The following VPS13A variants were observed in gnomAD, a reference collection of about 807,000 sequenced individuals.
VPS13A encodes vacuolar protein sorting 13 homolog A, also known as intermembrane lipid transfer protein VPS13A.
In VPS13A, 264 loss-of-function variants were observed where a neutral mutation model predicts 390.9. That is an observed-to-expected ratio of 0.68 (90% CI 0.61 to 0.75). The LOEUF (loss-of-function observed/expected upper bound fraction) is 0.75. VPS13A is among the 30% of genes least tolerant of loss of function. VPS13A has a pLI of 0.00. For missense variants in VPS13A, 3,409 were observed against 3,733.9 expected (o/e 0.91, Z 2.27); for synonymous variants, 1,231 against 1,227.1 (o/e 1.00, Z -0.07).
At position 77,319,671 on chromosome 9, in the gene VPS13A, A is replaced by C. The variant is rs1420553440; in HGVS notation, c.5413A>C (p.Lys1805Gln). ...EDFRPWNLGI[K>Q]MKKKAKMAIV... ...TTTTAGACCATGGAATCTTGGTATC[A>C]AGGTATATCTATATATGTCTATGTG... Residue 1805 changes from lysine to glutamine, a missense_variant and splice_region_variant, in exon 42 of 72, where the codon AAG (lysine) becomes CAG (glutamine). Lys to Gln is a moderately conservative substitution (Grantham distance 53, BLOSUM62 1). Coordinates refer to ENST00000360280, the MANE Select transcript of VPS13A (RefSeq NM_033305.3). 2 of 1,551,382 alleles carry C rather than the reference A, an allele frequency of 1.3e-6. No individual in the cohort carries two copies. Among genetic ancestry groups the C allele is most frequent in the African/African-American group, 2.7e-5 (2 of 73,508 alleles).
At chr9:77,192,455 G>C (rs752388546) in intron 1 of VPS13A, among the ~76,000 whole-genome samples, 1 of 152,122 alleles carries the variant, frequency 6.6e-6, no homozygotes, top group Non-Finnish European at 1.5e-5. Flanking sequence ...CTGTACTTAA[G>C]TGTGTTTCTG....
chr9:77,200,118 A>AAT, intron 2 of VPS13A, 130 bp downstream of exon 2: 2 of 787,858 alleles, frequency 2.5e-6, no homozygotes, highest in Non-Finnish European at 4.0e-6. Flanking sequence ...TGCAAAATGT[A>AAT]AATTTTGCTA....
At chr9:77,241,418 G>T (rs1029982153) in intron 19 of VPS13A, among the ~76,000 whole-genome samples, 1 of 146,710 alleles carries the variant, frequency 6.8e-6, no homozygotes, top group Admixed American at 6.9e-5. Flanking sequence ...TATTTCCCAC[G>T]GATATCTTTA....
At chr9:77,309,073 T>C (rs1370897221) in intron 35 of VPS13A, among the ~76,000 whole-genome samples, 1 of 152,032 alleles carries the variant, frequency 6.6e-6, no homozygotes, top group East Asian at 1.9e-4. Flanking sequence ...GAAAAGGAAG[T>C]AGACAAACAA....
chr9:77,238,010 C>T lies in VPS13A; in HGVS notation c.1604C>T (p.Thr535Ile). 1.2e-6 allele frequency: 2 copies of T among 1,602,724 alleles called. No homozygotes were observed. The highest frequency in any genetic ancestry group is 1.7e-6 in the Non-Finnish European group (2 of 1,172,298). Residue 535 changes from threonine to isoleucine, a missense_variant, in exon 18 of 72, where the codon ACT becomes ATT. Coordinates refer to ENST00000360280, the MANE Select transcript of VPS13A (RefSeq NM_033305.3). Reference sequence around the variant, plus strand: ...TTTTTTTTTTAATGCAGATTTGAAACTAAAATAGATTCATTTCATATTACT... The same window carrying T: ...TTTTTTTTTTAATGCAGATTTGAAATTAAAATAGATTCATTTCATATTACT... ...RPGAQAIKFE[T>I]KIDSFHITGL...
chr9:77,237,911 TG>T (rs1824247903), intron 17 of VPS13A, 90 bp from the exon 18 acceptor site: 2 of 957,078 alleles, frequency 2.1e-6, no homozygotes, highest in Non-Finnish European at 3.2e-6. Flanking sequence ...AAAGTGAAGT[TG>T]TCTTCATTAA....
At chr9:77,358,233 G>C (rs771732123) in intron 56 of VPS13A, 124 bp from the exon 57 acceptor site, 33 of 833,704 alleles carry the variant, frequency 4.0e-5, no homozygotes, top group Non-Finnish European at 6.5e-5. Flanking sequence ...TGGGATTACA[G>C]GCGTGAGCCA....
rs368715471 is a variant in VPS13A at position 77,177,658 on chromosome 9, A to T, written c.-47A>T. 1.8e-5 allele frequency: 28 copies of T among 1,558,252 alleles called. No homozygotes were observed. The highest frequency in any genetic ancestry group is 3.4e-5 in the Admixed American group (2 of 59,632). ...GGAGGGGCGTGGGGAAGGCGGCGGG[A>T]GGAGGAGCGCACGGGCCGGCTGCCG... On this transcript the variant is annotated 5_prime_UTR_variant, in exon 1 of 72. Coordinates refer to ENST00000360280, the MANE Select transcript of VPS13A (RefSeq NM_033305.3).
intron 7 of VPS13A, among the ~76,000 whole-genome samples, chr9:77,212,438 C>T (rs1490207956): frequency 6.6e-6 from 1 of 152,074 alleles, no homozygotes; most frequent in African/African-American, 2.4e-5. Flanking sequence ...TTATATATAA[C>T]ATCTCTTTAT....
intron 68 of VPS13A, among the ~76,000 whole-genome samples, chr9:77,397,828 TTG>T (rs908688471): frequency 6.6e-6 from 1 of 152,208 alleles, no homozygotes; most frequent in African/African-American, 2.4e-5. Flanking sequence ...GCAGTTTCCA[TTG>T]TGTTTCTGTT....
At chr9:77,213,753 C>T (rs982786020) in intron 9 of VPS13A, among the ~76,000 whole-genome samples, 1 of 152,060 alleles carries the variant, frequency 6.6e-6, no homozygotes, top group Non-Finnish European at 1.5e-5. Context: ...ATCCTCCCAA[C>T]TCAGCCTTCC....
chr9:77,228,214 A>G lies in VPS13A; in HGVS notation c.1545A>G (p.Ile515Met), dbSNP rs767206136. Residue 515 changes from isoleucine to methionine, a missense_variant, in exon 17 of 72, where the codon ATA (isoleucine) becomes ATG (methionine). Coordinates refer to ENST00000360280, the MANE Select transcript of VPS13A (RefSeq NM_033305.3). ...HQKPELVDIV[I>M]EEFSTLIVQR... The stretch of plus-strand genomic sequence containing the variant: ...AACCTGAGCTGGTAGATATTGTAAT[A>G]GAAGAATTTAGCACCTTAATTGTGC... 4.4e-6 allele frequency: 7 copies of G among 1,603,980 alleles called. No individual in the cohort carries two copies. In the Admixed American group the frequency reaches 5.0e-5, roughly 12 times the overall value.
intron 71 of VPS13A, among the ~76,000 whole-genome samples, chr9:77,415,272 A>G (rs936125985): frequency 6.6e-6 from 1 of 152,168 alleles, no homozygotes; most frequent in African/African-American, 2.4e-5. Flanking sequence ...CTGCTTGGCC[A>G]GGAACATCCA....
Position 77,340,529 on chromosome 9 carries a change from G to T in VPS13A, c.7005G>T (p.Trp2335Cys). The T allele has an allele frequency of 3.7e-6, 6 of 1,612,592 alleles. No individual in the cohort carries two copies. The highest frequency in any genetic ancestry group is 3.4e-6 in the Non-Finnish European group (4 of 1,179,636). ...TGGCTGAAGAAGGAAATGATAAATG[G>T]CTCTCTCTTGATTTGGAGCAGGTGG... ...ISVAEEGNDK[W>C]LSLDLEQCIP... The change falls in exon 50 of 72, where the codon TGG becomes TGT. Residue 2335 changes from tryptophan (W) to cysteine (C), a missense_variant. Trp to Cys is a radical substitution (Grantham distance 215). Coordinates refer to ENST00000360280, the MANE Select transcript of VPS13A (RefSeq NM_033305.3).
chr9:77,400,814 C>G (rs1359725539), intron 68 of VPS13A, among the ~76,000 whole-genome samples: 9 of 135,482 alleles, frequency 6.6e-5, no homozygotes, highest in Non-Finnish European at 9.2e-5. Context: ...GGCAACAGAG[C>G]GAGACTCTGT....
Position 77,287,454 on chromosome 9 carries a change from A to G in VPS13A, c.3339+3804A>G, listed in dbSNP as rs189537994. On this transcript the variant is annotated intron_variant, in intron 31 of 71. Transcript: ENST00000360280. ...GCGATCTACCTGCCTCGGTCTCCCAAAGTGCTGTGATTACAGACATGAGCT... is the reference window on the plus strand; with the variant it reads ...GCGATCTACCTGCCTCGGTCTCCCAGAGTGCTGTGATTACAGACATGAGCT... 1.6e-3 allele frequency among the ~76,000 whole-genome samples: 236 copies of G among 152,160 alleles called. 1 individual carries two copies. Among genetic ancestry groups the G allele is most frequent in the African/African-American group, 5.3e-3 (222 of 41,508 alleles).
chr9:77,280,393 G>T (rs528765228), intron 27 of VPS13A, among the ~76,000 whole-genome samples, 155 bp downstream of exon 27: 6 of 151,812 alleles, frequency 4.0e-5, no homozygotes, highest in African/African-American at 1.4e-4. Flanking sequence ...TTGTCATCTT[G>T]TATTAAATAG....
intron 71 of VPS13A, among the ~76,000 whole-genome samples, chr9:77,411,647 C>G (rs1355329968): frequency 1.5e-5 from 1 of 68,756 alleles, no homozygotes; most frequent in African/African-American, 6.4e-5. Context: ...TAGGCAACAG[C>G]AAAACTCCAT....
In VPS13A at chr9:77,382,987, A is replaced by G. The variant is rs116498163; in HGVS notation, c.9189+900A>G. On this transcript the variant is annotated intron_variant, in intron 68 of 71. Coordinates refer to ENST00000360280, the MANE Select transcript of VPS13A (RefSeq NM_033305.3). Reference sequence around the variant, plus strand: ...GTTTAGAGGTGGAATACTAAATTAAATCATTTGTTTGAAAACAAACAAGGA... The same window carrying G: ...GTTTAGAGGTGGAATACTAAATTAAGTCATTTGTTTGAAAACAAACAAGGA... The G allele has an allele frequency of 4.9e-4, 478 of 985,288 alleles. 2 individuals are homozygous for G. The African/African-American group carries it at 5.8e-3, about 12-fold the overall frequency. The allele number at this position is 985,288 out of a possible 1,614,324, so 61.0% of individuals were successfully genotyped here. A position where few individuals can be genotyped will look rare whatever the true frequency, so the allele number is the denominator to read the frequency against.
Sources: allele counts gnomAD v4.1 joint callset (sites outside exome capture counted in the v4.1 genomes callset), GRCh38; gene constraint gnomAD v4.1.1; transcripts MANE v1.5; gene names NCBI Gene and HGNC (gene_info 2026-07-23, HGNC 2026-07-21).